Variants in SPRTN observed in about 807,000 individuals in gnomAD.
The protein encoded by SPRTN is SprT-like N-terminal domain, also known as DNA-dependent metalloprotease SPRTN.
A neutral mutation model predicts 31.9 loss-of-function variants in SPRTN; 11 were observed. That is an observed-to-expected ratio of 0.34 (90% CI 0.22 to 0.57). The LOEUF is 0.57. SPRTN is among the 20% of genes least tolerant of loss of function. The probability of loss-of-function intolerance (pLI) is 0.86; values close to 1 mark genes in which losing one functional copy is unlikely to be tolerated. For missense variants in SPRTN, 482 were observed against 590.1 expected (o/e 0.82, Z 1.90); for synonymous variants, 185 against 212.1 (o/e 0.87, Z 1.11).
intron 2 of SPRTN, chr1:231,347,560 C>T (rs547833708): frequency 3.4e-4 from 137 of 400,156 alleles, no homozygotes; most frequent in African/African-American, 2.1e-3. Flanking sequence ...GACAGGGTTT[C>T]GCCATGTTGC....
intron 1 of SPRTN, chr1:231,339,398 C>T: frequency 2.2e-6 from 1 of 457,894 alleles, no homozygotes; most frequent in Non-Finnish European, 4.1e-6. Flanking sequence ...TGAGCTGTTG[C>T]AGCCTAGCTA....
At position 231,352,673 on chromosome 1, in the gene SPRTN, G is replaced by A. The variant is rs754779440; in HGVS notation, c.782G>A (p.Gly261Glu). The A allele has an allele frequency of 3.1e-6, 5 of 1,613,748 alleles. No individual in the cohort carries two copies. Among genetic ancestry groups the A allele is most frequent in the Middle Eastern group, 1.7e-4 (1 of 6,060 alleles). The change falls in exon 5 of 5, where the codon GGA (glycine) becomes GAA (glutamate). Residue 261 changes from glycine (G) to glutamate (E), a missense_variant. Gly to Glu is a moderately conservative substitution (Grantham distance 98, BLOSUM62 -2). Coordinates refer to ENST00000295050, the MANE Select transcript of SPRTN (RefSeq NM_032018.7). Reference protein sequence around the residue: ...IPFSGKGYVLGETSNLPSPGK... With the variant: ...IPFSGKGYVLEETSNLPSPGK... ...TTTAGTGGGAAAGGATATGTTCTAG[G>A]AGAAACAAGCAATTTACCTTCACCT...
intron 1 of SPRTN, 66 bp downstream of exon 1, chr1:231,338,670 G>T: frequency 3.1e-6 from 5 of 1,591,430 alleles, no homozygotes; most frequent in Non-Finnish European, 3.4e-6. Flanking sequence ...CCCGGCCCTG[G>T]TTTTCTCTCC....
In SPRTN at chr1:231,338,426, T is replaced by G. The variant is rs1356270580; in HGVS notation, c.43T>G (p.Trp15Gly). ...LMLALRLQEEWNLQEAERDHA... is the reference protein window; with the variant it reads ...LMLALRLQEEGNLQEAERDHA... ...GTTGGCACTGCGGCTTCAGGAGGAGTGGAACTTGCAGGAGGCGGAGCGCGA... is the reference window on the plus strand; with the variant it reads ...GTTGGCACTGCGGCTTCAGGAGGAGGGGAACTTGCAGGAGGCGGAGCGCGA... Residue 15 changes from tryptophan to glycine, a missense_variant, in exon 1 of 5, where the codon TGG (tryptophan) becomes GGG (glycine). This residue lies in a region of SPRTN where 157 missense variants were observed against 239.9 expected (regional missense o/e 0.65). Transcript: ENST00000295050. 2 of 1,614,064 alleles carry G rather than the reference T, an allele frequency of 1.2e-6. No homozygotes were observed. The highest frequency in any genetic ancestry group is 1.7e-6 in the Non-Finnish European group (2 of 1,179,986).
chr1:231,345,380 G>A (rs748901053), intron 2 of SPRTN, among the ~76,000 whole-genome samples: 10 of 151,980 alleles, frequency 6.6e-5, no homozygotes, highest in Non-Finnish European at 1.5e-4. Flanking sequence ...CACCTGCCTC[G>A]GCCTCCCAAA....
intron 1 of SPRTN, chr1:231,339,336 C>T: frequency 5.7e-6 from 2 of 349,524 alleles, no homozygotes; most frequent in South Asian, 3.1e-5. Context: ...TTAATAACAC[C>T]GAACTGTAAC....
chr1:231,339,733 C>T (rs780454862), intron 1 of SPRTN, 36 bp from the exon 2 acceptor site: 1 of 1,607,260 alleles, frequency 6.2e-7, no homozygotes, highest in East Asian at 2.2e-5. Context: ...GCATATTTGG[C>T]CAATGTAACA....
At chr1:231,339,490 C>T in intron 1 of SPRTN, 1 of 653,450 alleles carries the variant, frequency 1.5e-6, no homozygotes, top group Non-Finnish European at 2.8e-6. Context: ...ACGGTCCTGG[C>T]GTCTCTAGCA....
chr1:231,353,622 G>T lies in SPRTN; in HGVS notation c.*261G>T. On this transcript the variant is annotated 3_prime_UTR_variant, in exon 5 of 5. Coordinates refer to ENST00000295050, the MANE Select transcript of SPRTN (RefSeq NM_032018.7). ...TCGTGTATAAGTTTTAGATACTTTT[G>T]TTCTTTCTTGCTCTTAAGGATTTTA... is the stretch of plus-strand genomic sequence containing the variant. The T allele has an allele frequency of 9.0e-7, 1 of 1,112,166 alleles. No individual in the cohort carries two copies. Among genetic ancestry groups the T allele is most frequent in the Non-Finnish European group, 1.1e-6 (1 of 910,406 alleles). 68.9% of individuals were successfully genotyped at this position (1,112,166 alleles called of 1,614,324 possible).
intron 2 of SPRTN, among the ~76,000 whole-genome samples, chr1:231,340,658 C>G (rs2102861213): frequency 6.6e-6 from 1 of 152,160 alleles, no homozygotes; most frequent in East Asian, 1.9e-4. Context: ...ACATTTAGAG[C>G]TGGTACTTAC....
chr1:231,352,367 G>A, intron 4 of SPRTN: 5 of 1,181,080 alleles, frequency 4.2e-6, no homozygotes, highest in African/African-American at 1.6e-5. Context: ...GTTGGTCTTT[G>A]GCATGATAAG....
intron 3 of SPRTN, among the ~76,000 whole-genome samples, chr1:231,349,132 A>G (rs1312025559): frequency 6.6e-6 from 1 of 151,952 alleles, no homozygotes; most frequent in Non-Finnish European, 1.5e-5. Flanking sequence ...CACCATGTCA[A>G]GCTAATTTAA....
In SPRTN at chr1:231,347,752, G is replaced by A. The variant is rs574447237; in HGVS notation, c.322-45G>A. 2.6e-6 allele frequency: 4 copies of A among 1,568,458 alleles called. No individual in the cohort carries two copies. The African/African-American group carries it at 5.5e-5, about 22-fold the overall frequency. On this transcript the variant is annotated intron_variant, in intron 2 of 4. Transcript: ENST00000295050. ...AATAAGAAAATTTATATTTTCCAAAGTGTCATACAGACTCTAAAACTAATT... is the reference window on the plus strand; with the variant it reads ...AATAAGAAAATTTATATTTTCCAAAATGTCATACAGACTCTAAAACTAATT...
chr1:231,352,603 T>C lies in SPRTN; in HGVS notation c.719-7T>C, dbSNP rs572166223. On this transcript the variant is annotated splice_polypyrimidine_tract_variant and splice_region_variant and intron_variant, in intron 4 of 4. Transcript: ENST00000295050. Reference sequence around the variant, plus strand: ...TTACATAACAATCTTCTTTGCTTTTTTGGCAGATAAACCCAACAGAGGTGA... The same window carrying C: ...TTACATAACAATCTTCTTTGCTTTTCTGGCAGATAAACCCAACAGAGGTGA... 1 of 1,551,356 alleles carries C rather than the reference T, an allele frequency of 6.4e-7. No individual in the cohort carries two copies. Among genetic ancestry groups the C allele is most frequent in the Admixed American group, 2.2e-5 (1 of 46,404 alleles).
At chr1:231,351,758 C>T (rs1454250681) in intron 4 of SPRTN, 187 bp downstream of exon 4, 2 of 1,406,874 alleles carry the variant, frequency 1.4e-6, no homozygotes, top group African/African-American at 1.4e-5. Context: ...AGACTTTGCT[C>T]TGTACAGAAG....
At position 231,353,862 on chromosome 1, in the gene SPRTN, A is replaced by T. The variant is rs1434107292; in HGVS notation, c.*501A>T. 2.1e-6 allele frequency: 2 copies of T among 955,740 alleles called. No homozygotes were observed. The highest frequency in any genetic ancestry group is 2.5e-6 in the Non-Finnish European group (2 of 803,000). The allele number at this position is 955,740 out of a possible 1,614,324, so 59.2% of individuals were successfully genotyped here. A position where few individuals can be genotyped will look rare whatever the true frequency, so the allele number is the denominator to read the frequency against. ...AGTACTCAAATTGTATTATTTATTA[A>T]TTTTTTTGTTTGCAAAATCTTAACA... On this transcript the variant is annotated 3_prime_UTR_variant, in exon 5 of 5. Coordinates refer to ENST00000295050, the MANE Select transcript of SPRTN (RefSeq NM_032018.7).
rs1217197728 is a variant in SPRTN at position 231,352,937 on chromosome 1, C to T, written c.1046C>T (p.Ser349Phe). 1 of 1,614,138 alleles carries T rather than the reference C, an allele frequency of 6.2e-7. No homozygotes were observed. The highest frequency in any genetic ancestry group is 1.1e-5 in the South Asian group (1 of 91,078). ...NQKAFRGVNG[S>F]PRISVTVGNI... ...AAGGCTTTCAGAGGTGTGAATGGAT[C>T]TCCAAGGATAAGTGTAACAGTTGGC... Residue 349 changes from serine to phenylalanine, a missense_variant, in exon 5 of 5, where the codon TCT becomes TTT. Physicochemically the swap from Ser to Phe is radical, Grantham distance 155. Coordinates refer to ENST00000295050, the MANE Select transcript of SPRTN (RefSeq NM_032018.7).
At chr1:231,345,143 C>G (rs1687015487) in intron 2 of SPRTN, among the ~76,000 whole-genome samples, 2 of 149,312 alleles carry the variant, frequency 1.3e-5, no homozygotes, top group East Asian at 2.0e-4. Flanking sequence ...TTCTTTGTTT[C>G]TTTCTTTTTT....
At chr1:231,348,961 AC>A (rs1687144178) in intron 3 of SPRTN, among the ~76,000 whole-genome samples, 2 of 152,052 alleles carry the variant, frequency 1.3e-5, no homozygotes, top group African/African-American at 4.8e-5. Context: ...ACAGTGCTCA[AC>A]CGCCATGTTT....
Sources: allele counts gnomAD v4.1 joint callset (sites outside exome capture counted in the v4.1 genomes callset), GRCh38; gene constraint gnomAD v4.1.1; regional missense constraint gnomAD v4.1.1; transcripts MANE v1.5; gene names NCBI Gene and HGNC (gene_info 2026-07-23, HGNC 2026-07-21).